The following CDH13 variants were observed in gnomAD, a reference collection of about 807,000 sequenced individuals.
CDH13 encodes cadherin-13.
CDH13 carries 24 observed loss-of-function variants against 63.8 expected under a neutral mutation model. The ratio of observed to expected loss-of-function variants is 0.38; its 90% confidence interval spans 0.27 to 0.53. CDH13 has a LOEUF of 0.53. Among genes scored for constraint, CDH13 ranks in the 20% least tolerant of loss-of-function variants. The pLI, the probability that CDH13 is intolerant of heterozygous loss-of-function variation, is 0.85. For synonymous variants in CDH13, 503 were observed against 355.3 expected (o/e 1.42, Z -4.67); for missense variants, 1,049 against 903.1 (o/e 1.16, Z -2.07).
chr16:83,060,513 C>T (rs1404796555), intron 3 of CDH13, among the ~76,000 whole-genome samples: 3 of 152,146 alleles, frequency 2.0e-5, no homozygotes, highest in Non-Finnish European at 4.4e-5. Flanking sequence ...CCTCCATTAA[C>T]TCATGTCATA....
At chr16:83,102,530 G>C (rs749812001) in intron 3 of CDH13, among the ~76,000 whole-genome samples, 26 of 152,136 alleles carry the variant, frequency 1.7e-4, no homozygotes, top group Non-Finnish European at 3.4e-4. Flanking sequence ...ATGACACACT[G>C]TAACCCGGAA....
intron 3 of CDH13, among the ~76,000 whole-genome samples, chr16:83,035,630 C>T (rs909667502): frequency 6.6e-6 from 1 of 152,176 alleles, no homozygotes; most frequent in Non-Finnish European, 1.5e-5. Context: ...GAGTCCGTGC[C>T]TCCAACCCCT....
chr16:83,741,375 G>A (rs1912042919), intron 10 of CDH13, among the ~76,000 whole-genome samples: 1 of 151,966 alleles, frequency 6.6e-6, no homozygotes, highest in Non-Finnish European at 1.5e-5. Context: ...TTACAGGGTT[G>A]TTTGTATCCT....
chr16:83,614,863 T>C (rs1217922111), intron 8 of CDH13, among the ~76,000 whole-genome samples: 1 of 152,216 alleles, frequency 6.6e-6, no homozygotes, highest in Non-Finnish European at 1.5e-5. Flanking sequence ...CTCCATCTCA[T>C]ACCATTTGCT....
At chr16:82,799,366 T>G (rs953920733) in intron 1 of CDH13, among the ~76,000 whole-genome samples, 2 of 152,186 alleles carry the variant, frequency 1.3e-5, no homozygotes, top group African/African-American at 4.8e-5. Flanking sequence ...TACAAATCAC[T>G]TCCTCTTGCC....
chr16:83,190,759 A>G (rs2151754475), intron 4 of CDH13, among the ~76,000 whole-genome samples: 1 of 152,352 alleles, frequency 6.6e-6, no homozygotes, highest in African/African-American at 2.4e-5. Flanking sequence ...GTTAACCATT[A>G]TGAAGACAAA....
At chr16:82,902,960 A>G (rs549913907) in intron 2 of CDH13, among the ~76,000 whole-genome samples, 6 of 152,312 alleles carry the variant, frequency 3.9e-5, no homozygotes, top group Admixed American at 3.9e-4. Flanking sequence ...CTACATCATC[A>G]TCTTTGTCTT....
At chr16:83,198,178 A>G (rs1213103851) in intron 4 of CDH13, among the ~76,000 whole-genome samples, 5 of 152,096 alleles carry the variant, frequency 3.3e-5, no homozygotes, top group African/African-American at 7.2e-5. Context: ...TGTAAAGAGG[A>G]AAAAAAGCAA....
intron 5 of CDH13, among the ~76,000 whole-genome samples, chr16:83,243,469 C>T (rs1313006327): frequency 2.0e-5 from 3 of 152,076 alleles, no homozygotes; most frequent in African/African-American, 7.2e-5. Context: ...ATTCACTTAC[C>T]TCTCTCACCT....
chr16:82,947,929 C>T (rs1904907945), intron 2 of CDH13, among the ~76,000 whole-genome samples: 1 of 152,160 alleles, frequency 6.6e-6, no homozygotes, highest in African/African-American at 2.4e-5. Context: ...TTAAGTGCCT[C>T]ATCACTCTGA....
At chr16:83,026,730 C>T (rs1373106083) in intron 2 of CDH13, among the ~76,000 whole-genome samples, 2 of 152,098 alleles carry the variant, frequency 1.3e-5, no homozygotes, top group African/African-American at 2.4e-5. Flanking sequence ...TTGCATAGAG[C>T]GTAGCACTCA....
intron 1 of CDH13, among the ~76,000 whole-genome samples, chr16:82,798,789 T>C (rs1216774935): frequency 6.6e-6 from 1 of 152,126 alleles, no homozygotes; most frequent in Non-Finnish European, 1.5e-5. Flanking sequence ...GTTAAGACGA[T>C]TGCAAGATCC....
intron 2 of CDH13, among the ~76,000 whole-genome samples, chr16:82,875,805 G>T (rs1018175279): frequency 3.3e-5 from 5 of 152,192 alleles, no homozygotes; most frequent in Admixed American, 2.6e-4. Context: ...GAATAAGTTT[G>T]CTAGGTTACA....
intron 6 of CDH13, among the ~76,000 whole-genome samples, chr16:83,471,228 G>T (rs976385356): frequency 6.6e-6 from 1 of 151,398 alleles, no homozygotes; most frequent in African/African-American, 2.4e-5. Flanking sequence ...ACAGTTGTTG[G>T]GGATTAGGAT....
chr16:83,258,830 A>G (rs1906616176), intron 5 of CDH13, among the ~76,000 whole-genome samples: 1 of 152,222 alleles, frequency 6.6e-6, no homozygotes, highest in African/African-American at 2.4e-5. Context: ...GCACGTGACC[A>G]GTCCTTATAC....
chr16:82,763,817 G>C (rs921337235), intron 1 of CDH13, among the ~76,000 whole-genome samples: 1 of 152,122 alleles, frequency 6.6e-6, no homozygotes, highest in African/African-American at 2.4e-5. Flanking sequence ...CCAGTAGCTG[G>C]GACTATAGGT....
chr16:83,686,777 T>C (rs1904344089), intron 10 of CDH13, among the ~76,000 whole-genome samples: 1 of 152,068 alleles, frequency 6.6e-6, no homozygotes, highest in African/African-American at 2.4e-5. Flanking sequence ...GAGAAAAATT[T>C]TTAAGGGCTC....
intron 7 of CDH13, among the ~76,000 whole-genome samples, chr16:83,494,962 T>G (rs4782800): frequency 0.99 from 151,378 of 152,330 alleles, 75,228 homozygotes; most frequent in Middle Eastern, 1. Flanking sequence ...TATAGGATCA[T>G]CTATTGCATT....
At chr16:83,620,392 A>AG (rs1909703606) in intron 8 of CDH13, among the ~76,000 whole-genome samples, 1 of 148,140 alleles carries the variant, frequency 6.8e-6, no homozygotes, top group East Asian at 2.0e-4. Context: ...TCCGTCTCAA[A>AG]AAAAAAAAAA....
Sources: allele counts gnomAD v4.1 joint callset (sites outside exome capture counted in the v4.1 genomes callset), GRCh38; gene constraint gnomAD v4.1.1; transcripts MANE v1.5; gene names NCBI Gene and HGNC (gene_info 2026-07-23, HGNC 2026-07-21).